UGGT1: variants seen among roughly 807,000 people sequenced by gnomAD.
UGGT1 encodes UDP-glucose glycoprotein glucosyltransferase 1.
UGGT1 carries 107 observed loss-of-function variants against 203.9 expected under a neutral mutation model. The observed-to-expected ratio is 0.52, with a 90% confidence interval of 0.45 to 0.62. The LOEUF is 0.62. Among genes scored for constraint, UGGT1 ranks in the 20% least tolerant of loss-of-function variants. The probability of loss-of-function intolerance (pLI) is 0.00; values close to 1 mark genes in which losing one functional copy is unlikely to be tolerated. For missense variants in UGGT1, 1,673 were observed against 1,867.2 expected, an observed-to-expected ratio of 0.90 and a Z score of 1.92; for synonymous variants, 628 against 653.5, an observed-to-expected ratio of 0.96 and a Z score of 0.59.
intron 18 of UGGT1, among the ~76,000 whole-genome samples, chr2:128,147,514 A>G: frequency 6.6e-6 from 1 of 152,182 alleles, no homozygotes; most frequent in East Asian, 1.9e-4. Flanking sequence ...TAATGTAAGA[A>G]TATACATTAC....
intron 6 of UGGT1, among the ~76,000 whole-genome samples, chr2:128,114,149 G>A (rs1165721827): frequency 6.6e-6 from 1 of 151,894 alleles, no homozygotes; most frequent in Admixed American, 6.6e-5. Context: ...ACAGAGTCTC[G>A]CTCTGTCGCC....
intron 34 of UGGT1, 22 bp from the exon 35 acceptor site, chr2:128,179,764 A>G (rs372824076): frequency 6.3e-7 from 1 of 1,599,492 alleles, no homozygotes; most frequent in African/African-American, 1.3e-5. Context: ...GCTGTTATTA[A>G]TTACCTGCTT....
intron 18 of UGGT1, among the ~76,000 whole-genome samples, chr2:128,150,598 CAT>C (rs1012421366): frequency 3.3e-5 from 5 of 150,572 alleles, no homozygotes; most frequent in African/African-American, 1.2e-4. Context: ...CGCATGTGTG[CAT>C]GTGTGTGTAT....
intron 25 of UGGT1, among the ~76,000 whole-genome samples, chr2:128,161,674 C>T (rs1690533901): frequency 6.6e-6 from 1 of 152,066 alleles, no homozygotes. Flanking sequence ...TTTTATTTAC[C>T]AGTGCAGAAT....
In UGGT1 at chr2:128,170,258, G is replaced by A. The variant is rs1479993302; in HGVS notation, c.2922-30G>A. ...AAACTTTTGTTTCCTGTGTCCTCCA[G>A]GTTAATGTTTTATCCTTGTGATCTT... is the stretch of plus-strand genomic sequence containing the variant. On this transcript the variant is annotated intron_variant, in intron 26 of 40. Coordinates refer to ENST00000259253, the MANE Select transcript of UGGT1 (RefSeq NM_020120.4). 4 of 1,602,206 alleles carry A rather than the reference G, an allele frequency of 2.5e-6. No individual in the cohort carries two copies. In the Admixed American group the frequency reaches 5.0e-5, roughly 20 times the overall value.
At chr2:128,131,628 TGTTGCATTGC>T (rs1197618473) in intron 13 of UGGT1, among the ~76,000 whole-genome samples, 1 of 151,408 alleles carries the variant, frequency 6.6e-6, no homozygotes, top group East Asian at 1.9e-4. Context: ...TGTTGCATTG[TGTTGCATTGC>T]GTTGTGTTGC....
At chr2:128,107,303 T>G (rs1306358107) in intron 3 of UGGT1, among the ~76,000 whole-genome samples, 1 of 152,234 alleles carries the variant, frequency 6.6e-6, no homozygotes, top group Non-Finnish European at 1.5e-5. Context: ...TTCTTTAAAA[T>G]AATTTGGTCC....
chr2:128,188,809 C>T (rs1000048036), intron 40 of UGGT1, among the ~76,000 whole-genome samples: 2 of 152,154 alleles, frequency 1.3e-5, no homozygotes, highest in African/African-American at 4.8e-5. Flanking sequence ...AAGCAAGACC[C>T]TGTCTCAAAA....
chr2:128,161,380 C>A, intron 25 of UGGT1, 112 bp downstream of exon 25: 1 of 1,298,630 alleles, frequency 7.7e-7, no homozygotes, highest in Non-Finnish European at 1.0e-6. Flanking sequence ...AGTTTTATTT[C>A]CAGTTTAAAA....
intron 25 of UGGT1, among the ~76,000 whole-genome samples, chr2:128,163,559 C>G (rs924099248): frequency 1.3e-5 from 2 of 151,738 alleles, no homozygotes; most frequent in African/African-American, 4.8e-5. Flanking sequence ...ACTAAAAATA[C>G]AAAAAATTAG....
intron 11 of UGGT1, among the ~76,000 whole-genome samples, chr2:128,126,067 G>C (rs1380507463): frequency 6.7e-6 from 1 of 149,862 alleles, no homozygotes; most frequent in East Asian, 2.0e-4. Flanking sequence ...TCAGCCTCCC[G>C]AGTAGCTGGG....
chr2:128,184,044 C>T lies in UGGT1; in HGVS notation c.4359+255C>T, dbSNP rs746979477. On this transcript the variant is annotated intron_variant, in intron 38 of 40. Coordinates refer to ENST00000259253, the MANE Select transcript of UGGT1 (RefSeq NM_020120.4). ...TGGGGAGAGAGATGGAAGGAGAATG[C>T]TGCCTCTCTGAACCATTAGCATATC... Among the ~76,000 whole-genome samples, 10 of 151,946 alleles carry T rather than the reference C, an allele frequency of 6.6e-5. 1 individual carries two copies. Among genetic ancestry groups the T allele is most frequent in the Non-Finnish European group, 1.2e-4 (8 of 67,994 alleles).
At chr2:128,133,465 A>G (rs1688981631) in intron 14 of UGGT1, among the ~76,000 whole-genome samples, 1 of 152,212 alleles carries the variant, frequency 6.6e-6, no homozygotes, top group Admixed American at 6.5e-5. Context: ...GGAGCATTAC[A>G]GCCCCCCTCA....
chr2:128,186,624 A>G, intron 38 of UGGT1, 59 bp from the exon 39 acceptor site: 1 of 1,405,742 alleles, frequency 7.1e-7, no homozygotes, highest in Middle Eastern at 1.9e-4. Flanking sequence ...ATAAATAAAT[A>G]AATATCGCCA....
At chr2:128,182,528 G>A (rs182754249) in intron 37 of UGGT1, among the ~76,000 whole-genome samples, 205 of 152,018 alleles carry the variant, frequency 1.3e-3, no homozygotes, top group African/African-American at 4.4e-3. Flanking sequence ...GCGAAACCCC[G>A]TCTCTACTAA....
intron 19 of UGGT1, among the ~76,000 whole-genome samples, chr2:128,155,157 G>A (rs1690167102): frequency 6.6e-6 from 1 of 152,196 alleles, no homozygotes; most frequent in African/African-American, 2.4e-5. Context: ...GACTAGGGAA[G>A]GGAGAAATGA....
At chr2:128,109,903 C>A (rs1490724493) in intron 5 of UGGT1, among the ~76,000 whole-genome samples, 157 bp downstream of exon 5, 1 of 152,180 alleles carries the variant, frequency 6.6e-6, no homozygotes, top group African/African-American at 2.4e-5. Context: ...AATCTCAGCT[C>A]CGTCACTTAA....
At chr2:128,126,651 A>C (rs1573536112) in intron 11 of UGGT1, among the ~76,000 whole-genome samples, 2 of 151,106 alleles carry the variant, frequency 1.3e-5, no homozygotes, top group African/African-American at 4.9e-5. Flanking sequence ...CAGACCTAGA[A>C]ATAGATATGC....
Position 128,187,627 on chromosome 2 carries a change from C to G in UGGT1, c.4642+13C>G. The stretch of plus-strand genomic sequence containing the variant: ...CCAAGCCGAGAAGGTAAGCACAAAC[C>G]GTTGGTTTTAGGACAGTACTTCTTT... On this transcript the variant is annotated intron_variant, in intron 40 of 40. Coordinates refer to ENST00000259253, the MANE Select transcript of UGGT1 (RefSeq NM_020120.4). The G allele has an allele frequency of 6.2e-7, 1 of 1,606,252 alleles. No individual in the cohort carries two copies. The highest frequency in any genetic ancestry group is 1.3e-5 in the African/African-American group (1 of 74,806).
Sources: gnomAD v4.1 joint callset for allele counts (sites outside exome capture counted in the v4.1 genomes callset) on GRCh38, gnomAD v4.1.1 for gene constraint, MANE v1.5 for transcripts, NCBI Gene and HGNC (gene_info 2026-07-23, HGNC 2026-07-21) for gene names.